Variants in EP400 observed in about 807,000 individuals in gnomAD.
EP400 encodes E1A-binding protein p400.
In EP400, 105 loss-of-function variants were observed where a neutral mutation model predicts 354.1. The ratio of observed to expected loss-of-function variants is 0.30; its 90% CI spans 0.25 to 0.35. The LOEUF (loss-of-function observed/expected upper bound fraction) is 0.35, where lower values mean the gene tolerates loss of function less well. Ranked by LOEUF, EP400 falls within the 10% of genes least tolerant of loss-of-function variation. EP400 has a pLI of 1.00. For missense variants in EP400, 3,280 were observed against 4,121.0 expected (o/e 0.80, Z 5.59); for synonymous variants, 1,646 against 1,716.9 (o/e 0.96, Z 1.02).
chr12:131,993,281 TC>T (rs1893103468), intron 11 of EP400, among the ~76,000 whole-genome samples: 1 of 152,108 alleles, frequency 6.6e-6, no homozygotes, highest in Admixed American at 6.5e-5. Flanking sequence ...CGCCTCAGCC[TC>T]CCAAAGTGCT....
chr12:132,048,678 A>G (rs1021538748), intron 39 of EP400, among the ~76,000 whole-genome samples: 1 of 152,104 alleles, frequency 6.6e-6, no homozygotes, highest in Non-Finnish European at 1.5e-5. Context: ...GCATGCCACC[A>G]TACCCAGCTA....
chr12:132,067,163 T>C lies in EP400; in HGVS notation c.8749+194T>C. Reference sequence around the variant, plus strand: ...TGGGTCCTCAATTGAACTGTTAACATTCTGAAATTTCCGTCTTAATTTAAG... The same window carrying C: ...TGGGTCCTCAATTGAACTGTTAACACTCTGAAATTTCCGTCTTAATTTAAG... On this transcript the variant is annotated intron_variant, in intron 49 of 52. Transcript: ENST00000389561. This position sits in a 1 kb window ranked among gnomAD's most constrained non-coding sequence, Gnocchi z 5.3. 8.8e-7 allele frequency: 1 copy of C among 1,130,748 alleles called. No individual in the cohort carries two copies. Among genetic ancestry groups the C allele is most frequent in the Non-Finnish European group, 1.2e-6 (1 of 810,312 alleles). The allele number at this position is 1,130,748 out of a possible 1,614,324, so 70.0% of individuals were successfully genotyped here. A position where few individuals can be genotyped will look rare whatever the true frequency, so the allele number is the denominator to read the frequency against.
chr12:131,975,760 C>T (rs971393265), intron 2 of EP400, among the ~76,000 whole-genome samples: 3 of 152,004 alleles, frequency 2.0e-5, no homozygotes, highest in Non-Finnish European at 4.4e-5. Context: ...ATTTTCGCCA[C>T]GTTGGTCAGG....
At position 131,960,832 on chromosome 12, in the gene EP400, C is replaced by T. The variant is rs758199485; in HGVS notation, c.213C>T (p.Asn71=). Residue 71 remains asparagine, a synonymous_variant, in exon 2 of 53, where the codon AAC becomes AAT. Coordinates refer to ENST00000389561, the MANE Select transcript of EP400 (RefSeq NM_015409.5). ...LMNRSPATGQ[N]VNITLQSVGP... is the part of the protein sequence containing the mutation. ...ATAGGAGCCCTGCAACCGGGCAGAA[C>T]GTGAACATCACCCTGCAGAGCGTGG... 14 of 1,613,630 alleles carry T rather than the reference C, an allele frequency of 8.7e-6. No homozygotes were observed. Among genetic ancestry groups the T allele is most frequent in the African/African-American group, 5.3e-5 (4 of 74,824 alleles).
At chr12:131,968,628 T>G (rs1892182051) in intron 2 of EP400, among the ~76,000 whole-genome samples, 1 of 152,228 alleles carries the variant, frequency 6.6e-6, no homozygotes, top group Non-Finnish European at 1.5e-5. Flanking sequence ...GGATTTTGAT[T>G]AGAATTGTGT....
chr12:132,058,142 C>T (rs554092151), intron 45 of EP400, among the ~76,000 whole-genome samples: 1 of 151,760 alleles, frequency 6.6e-6, no homozygotes, highest in Non-Finnish European at 1.5e-5. Flanking sequence ...AATGCAGGGC[C>T]AGTCTTGTGA....
At chr12:132,031,484 T>C in intron 29 of EP400, 1 of 459,882 alleles carries the variant, frequency 2.2e-6, no homozygotes, top group Non-Finnish European at 4.3e-6. Flanking sequence ...AGAGCTGGAA[T>C]ACAGTGCGGG....
chr12:132,005,298 G>T (rs1376599927), intron 13 of EP400, 114 bp downstream of exon 13: 1 of 680,266 alleles, frequency 1.5e-6, no homozygotes, highest in Non-Finnish European at 2.3e-6. Context: ...TAAAAAATTA[G>T]AAATATTTAA....
At chr12:132,035,813 C>G (rs925009385) in intron 30 of EP400, among the ~76,000 whole-genome samples, 1 of 149,662 alleles carries the variant, frequency 6.7e-6, no homozygotes, top group Non-Finnish European at 1.5e-5. Context: ...CCCAGGTTCA[C>G]GCGGAACATC....
At chr12:131,976,254 A>G (rs1481211017) in intron 2 of EP400, among the ~76,000 whole-genome samples, 1 of 152,056 alleles carries the variant, frequency 6.6e-6, no homozygotes, top group Non-Finnish European at 1.5e-5. Context: ...GTGTCTGAGT[A>G]TGGCTCGTGT....
chr12:132,053,390 A>AC lies in EP400; in HGVS notation c.7526dup (p.Pro2510AlafsTer72). ...CACAGCAGCCGGCCGTGGCCCAGCC[A>AC]CCCCCGCCCCAGCCGCAGCCCCCAC... is the stretch of plus-strand genomic sequence containing the variant. On this transcript the variant is annotated frameshift_variant, in exon 43 of 53. Transcript: ENST00000389561. LOFTEE classifies it high-confidence loss of function. 8.7e-6 allele frequency: 10 copies of AC among 1,146,668 alleles called. No individual in the cohort carries two copies. The highest frequency in any genetic ancestry group is 4.0e-5 in the South Asian group (3 of 74,728). 71.0% of individuals were successfully genotyped at this position (1,146,668 alleles called of 1,614,324 possible).
At chr12:131,999,555 C>CA (rs1893336982) in intron 12 of EP400, among the ~76,000 whole-genome samples, 3 of 152,128 alleles carry the variant, frequency 2.0e-5, no homozygotes, top group Non-Finnish European at 4.4e-5. Flanking sequence ...TCTCCTGCCT[C>CA]AGCCTCCTGA....
In EP400 at chr12:132,064,522, A is replaced by G. The variant is rs1012102961; in HGVS notation, c.8335-146A>G. Reference sequence around the variant, plus strand: ...ACACCTGGAAGATACTGGGCAGCCCATGGAAGGCGGTCTGGATGCTGCACG... The same window carrying G: ...ACACCTGGAAGATACTGGGCAGCCCGTGGAAGGCGGTCTGGATGCTGCACG... On this transcript the variant is annotated intron_variant, in intron 47 of 52. Transcript: ENST00000389561. The G allele has an allele frequency of 5.6e-6, 6 of 1,064,260 alleles. No homozygotes were observed. In the African/African-American group the frequency reaches 6.4e-5, roughly 11 times the overall value. 65.9% of individuals were successfully genotyped at this position (1,064,260 alleles called of 1,614,324 possible). A position where few individuals can be genotyped will look rare whatever the true frequency, so the allele number is the denominator to read the frequency against.
At chr12:132,011,176 C>T (rs893424998) in intron 15 of EP400, among the ~76,000 whole-genome samples, 1 of 152,146 alleles carries the variant, frequency 6.6e-6, no homozygotes, top group Non-Finnish European at 1.5e-5. Flanking sequence ...CTCGTTTCCC[C>T]TGGGATCTTG....
chr12:131,953,917 A>G (rs1891603643), intron 1 of EP400, among the ~76,000 whole-genome samples: 1 of 151,620 alleles, frequency 6.6e-6, no homozygotes, highest in Non-Finnish European at 1.5e-5. Context: ...GTTTGAGACC[A>G]CCCTGGCCAA....
In EP400 at chr12:132,027,457, G is replaced by A. The variant is rs1462373184; in HGVS notation, c.5035G>A (p.Ala1679Thr). The A allele has an allele frequency of 6.2e-7, 1 of 1,614,118 alleles. No individual in the cohort carries two copies. Among genetic ancestry groups the A allele is most frequent in the Non-Finnish European group, 8.5e-7 (1 of 1,180,044 alleles). ...TPQVGVPGRVAVNALAVGEPG... is the reference protein window; with the variant it reads ...TPQVGVPGRVTVNALAVGEPG... ...TGTAGTTGGCGTTCCGGGCCGCGTGGCGGTGAATGCCTTGGCTGTAGGAGA... is the reference window on the plus strand; with the variant it reads ...TGTAGTTGGCGTTCCGGGCCGCGTGACGGTGAATGCCTTGGCTGTAGGAGA... Residue 1679 changes from alanine to threonine, a missense_variant, in exon 26 of 53, where the codon GCG becomes ACG. Ala to Thr is a moderately conservative substitution (Grantham distance 58). This residue lies in a region of EP400 where 459 missense variants were observed against 496.9 expected (regional missense o/e 0.92). Transcript: ENST00000389561. This position sits in a 1 kb window ranked among gnomAD's most constrained non-coding sequence, Gnocchi z 4.9.
rs555294601 is a variant in EP400 at position 132,077,600 on chromosome 12, G to C, written c.9299G>C (p.Ser3100Thr). The C allele has an allele frequency of 6.2e-7, 1 of 1,613,850 alleles. No individual in the cohort carries two copies. The highest frequency in any genetic ancestry group is 8.5e-7 in the Non-Finnish European group (1 of 1,179,970). The part of the protein sequence containing the change: ...AQVPASSDSP[S>T]QQPKLQMRVP... Reference sequence around the variant, plus strand: ...GTGCCCGCCAGCTCCGACAGCCCAAGCCAGCAGCCCAAGTTACAGATGAGG... The same window carrying C: ...GTGCCCGCCAGCTCCGACAGCCCAACCCAGCAGCCCAAGTTACAGATGAGG... Residue 3100 changes from serine to threonine, a missense_variant, in exon 53 of 53, where the codon AGC becomes ACC. Physicochemically the swap from Ser to Thr is moderately conservative, Grantham distance 58. Coordinates refer to ENST00000389561, the MANE Select transcript of EP400 (RefSeq NM_015409.5).
chr12:132,050,218 C>A lies in EP400; in HGVS notation c.7201-105C>A. On this transcript the variant is annotated intron_variant, in intron 39 of 52. Coordinates refer to ENST00000389561, the MANE Select transcript of EP400 (RefSeq NM_015409.5). This position sits in a 1 kb window ranked among gnomAD's most constrained non-coding sequence, Gnocchi z 4.8. The stretch of plus-strand genomic sequence containing the variant: ...CAGGAAAAGGAAGTTTGTGTTCAGC[C>A]ATGGGGAGTTTAGCCTCAGATTCCC... 1 of 1,374,494 alleles carries A rather than the reference C, an allele frequency of 7.3e-7. No homozygotes were observed. The highest frequency in any genetic ancestry group is 1.0e-6 in the Non-Finnish European group (1 of 997,874). 85.1% of individuals were successfully genotyped at this position (1,374,494 alleles called of 1,614,324 possible). A position where few individuals can be genotyped will look rare whatever the true frequency, so the allele number is the denominator to read the frequency against.
chr12:131,951,450 G>C (rs1020803136), intron 1 of EP400, among the ~76,000 whole-genome samples: 6 of 152,120 alleles, frequency 3.9e-5, no homozygotes, highest in Non-Finnish European at 8.8e-5. Context: ...CCTAGTGCTG[G>C]GACTGTAGGC....
Sources: gnomAD v4.1 joint callset for allele counts (sites outside exome capture counted in the v4.1 genomes callset) on GRCh38, gnomAD v4.1.1 for gene constraint, gnomAD v4.1.1 regional missense constraint, Gnocchi (gnomAD v3.1) non-coding constraint, MANE v1.5 for transcripts, NCBI Gene and HGNC (gene_info 2026-07-23, HGNC 2026-07-21) for gene names.